RECQL: variants seen among roughly 807,000 people sequenced by gnomAD.
RECQL encodes the protein ATP-dependent DNA helicase Q1.
A neutral mutation model predicts 75.8 loss-of-function variants in RECQL; 73 were observed. The ratio of observed to expected loss-of-function variants is 0.96; its 90% CI spans 0.80 to 1.17. The LOEUF (loss-of-function observed/expected upper bound fraction) is 1.17. RECQL is among the 50% of genes most tolerant of loss of function. The pLI is 0.00. For missense variants in RECQL, 699 were observed against 772.1 expected, an observed-to-expected ratio of 0.91 and a Z score of 1.12; for synonymous variants, 248 against 254.4, an observed-to-expected ratio of 0.97 and a Z score of 0.24.
intron 1 of RECQL, among the ~76,000 whole-genome samples, chr12:21,500,580 G>A (rs539291679): frequency 6.6e-6 from 1 of 152,286 alleles, no homozygotes; most frequent in Non-Finnish European, 1.5e-5. Context: ...ATTAAAAGAA[G>A]GCTAAATAGG....
chr12:21,472,302 G>C (rs1942989005), intron 12 of RECQL, among the ~76,000 whole-genome samples: 1 of 152,132 alleles, frequency 6.6e-6, no homozygotes, highest in South Asian at 2.1e-4. Flanking sequence ...TTGGGACTCA[G>C]CCCAGGAGGG....
At position 21,475,076 on chromosome 12, in the gene RECQL, C is replaced by T. The variant is rs180840592; in HGVS notation, c.1217-97G>A. The T allele has an allele frequency of 6.6e-6, 8 of 1,215,976 alleles. No homozygotes were observed. The Admixed American group carries it at 9.8e-5, about 15-fold the overall frequency. The allele number at this position is 1,215,976 out of a possible 1,614,324, so 75.3% of individuals were successfully genotyped here. On this transcript the variant is annotated intron_variant, in intron 10 of 14. Coordinates refer to ENST00000444129, the MANE Select transcript of RECQL (RefSeq NM_002907.4). Reference sequence around the variant, plus strand: ...TAAAATTAGCAGGCAATGTTTTATACTACATCTAGAAATTTTAGAGATGTG... The same window carrying T: ...TAAAATTAGCAGGCAATGTTTTATATTACATCTAGAAATTTTAGAGATGTG...
chr12:21,491,635 T>C lies in RECQL; in HGVS notation c.98A>G (p.Gln33Arg). The change falls in exon 3 of 15, where the codon CAA becomes CGA. Residue 33 changes from glutamine to arginine, a missense_variant. Physicochemically the swap from Gln to Arg is conservative, Grantham distance 43. Coordinates refer to ENST00000444129, the MANE Select transcript of RECQL (RefSeq NM_002907.4). ...IQIQELTERQ[Q>R]ELIQKKKVLT... ...GACTTTTTTTTTCTGAATAAGCTCT[T>C]GTTGCCTTTCCGTAAGTTCTTGAAT... 6.2e-7 allele frequency: 1 copy of C among 1,614,020 alleles called. No homozygotes were observed.
intron 10 of RECQL, 148 bp downstream of exon 10, chr12:21,475,320 T>C (rs1029977017): frequency 7.0e-6 from 4 of 574,704 alleles, no homozygotes; most frequent in Non-Finnish European, 1.2e-5. Flanking sequence ...AATTTCTCCA[T>C]ATGCAAGTAA....
intron 2 of RECQL, among the ~76,000 whole-genome samples, chr12:21,496,216 G>A (rs927064109): frequency 5.9e-5 from 9 of 152,238 alleles, no homozygotes; most frequent in Non-Finnish European, 1.0e-4. Context: ...TGGAGATTGA[G>A]AATGGATTAT....
chr12:21,495,810 G>T (rs1199657627), intron 2 of RECQL, among the ~76,000 whole-genome samples: 1 of 152,212 alleles, frequency 6.6e-6, no homozygotes, highest in African/African-American at 2.4e-5. Flanking sequence ...AAGAAAGTCA[G>T]TGTAAGGGCA....
At chr12:21,477,119 A>T in intron 7 of RECQL, 127 bp from the exon 8 acceptor site, 1 of 569,020 alleles carries the variant, frequency 1.8e-6, no homozygotes, top group Non-Finnish European at 2.9e-6. Context: ...TCTTTCACTT[A>T]CTCACAGGAT....
At chr12:21,483,602 G>T in intron 5 of RECQL, 28 bp from the exon 6 acceptor site, 2 of 1,502,434 alleles carry the variant, frequency 1.3e-6, no homozygotes, top group South Asian at 2.5e-5. Flanking sequence ...TAGACACAAT[G>T]ATAGTAAAAC....
chr12:21,481,004 T>C (rs554772861), intron 6 of RECQL, among the ~76,000 whole-genome samples: 70 of 152,352 alleles, frequency 4.6e-4, no homozygotes, highest in African/African-American at 1.7e-3. Context: ...AGCTACTTTT[T>C]ACCTAGTTCA....
In RECQL at chr12:21,485,191, CACAGTAAGTAT is replaced by C. The variant is rs1407853119; in HGVS notation, c.501+1277_501+1287del. The stretch of plus-strand genomic sequence containing the variant: ...GTACTATGTACCACTTGAGTGATAC[CACAGTAAGTAT>C]ACTCTTGCAAAAAAAAAAAAAAAAG... On this transcript the variant is annotated intron_variant, in intron 5 of 14. Coordinates refer to ENST00000444129, the MANE Select transcript of RECQL (RefSeq NM_002907.4). Among the ~76,000 whole-genome samples the C allele has an allele frequency of 4.3e-5, 6 of 141,064 alleles. No individual in the cohort carries two copies. The East Asian group carries it at 1.2e-3, about 29-fold the overall frequency. The allele number at this position is 141,064 out of a possible 152,430, so 92.5% of individuals were successfully genotyped here.
Position 21,475,935 on chromosome 12 carries a change from G to C in RECQL, c.950-111C>G, listed in dbSNP as rs1378171423. 4 of 897,182 alleles carry C rather than the reference G, an allele frequency of 4.5e-6. No individual in the cohort carries two copies. In the East Asian group the frequency reaches 7.8e-5, roughly 18 times the overall value. The allele number at this position is 897,182 out of a possible 1,614,324, so 55.6% of individuals were successfully genotyped here. A position where few individuals can be genotyped will look rare whatever the true frequency, so the allele number is the denominator to read the frequency against. ...AATACAATGCACAGAAGGAAAAAAA[G>C]AATTATGAAAAATTTCAAGGCCTTG... On this transcript the variant is annotated intron_variant, in intron 8 of 14. Transcript: ENST00000444129.
chr12:21,476,771 T>G (rs1166237507), intron 8 of RECQL, 140 bp downstream of exon 8: 1 of 484,592 alleles, frequency 2.1e-6, no homozygotes, highest in Non-Finnish European at 3.6e-6. Context: ...GAATTAATTT[T>G]ATCACGTATT....
intron 6 of RECQL, among the ~76,000 whole-genome samples, chr12:21,479,010 A>C (rs1943140260): frequency 6.6e-6 from 1 of 152,132 alleles, no homozygotes; most frequent in African/African-American, 2.4e-5. Context: ...GCTTCCCTTT[A>C]GGGGTCCCCT....
chr12:21,493,896 G>C (rs1053780322), intron 2 of RECQL, among the ~76,000 whole-genome samples: 2 of 152,198 alleles, frequency 1.3e-5, no homozygotes, highest in Non-Finnish European at 2.9e-5. Context: ...TGCACCAAAA[G>C]AGCTGCATGT....
At chr12:21,490,151 G>A in intron 4 of RECQL, 48 bp downstream of exon 4, 2 of 1,049,644 alleles carry the variant, frequency 1.9e-6, no homozygotes, top group African/African-American at 1.6e-5. Context: ...AAAAAGGTAT[G>A]ATGACAAAGC....
chr12:21,486,554 A>T lies in RECQL; in HGVS notation c.426T>A (p.Ser142=), dbSNP rs749959463. 1 of 1,598,764 alleles carries T rather than the reference A, an allele frequency of 6.3e-7. No homozygotes were observed. The highest frequency in any genetic ancestry group is 1.7e-5 in the Admixed American group (1 of 57,444). ...GFTLVICPLI[S]LMEDQLMVLK... ...AAACCATTAATTGGTCTTCCATAAG[A>T]GAGATCAATGGGCAAATGACGAGTG... is the stretch of plus-strand genomic sequence containing the variant. Residue 142 remains serine (S), a synonymous_variant, in exon 5 of 15, where the codon TCT becomes TCA. Coordinates refer to ENST00000444129, the MANE Select transcript of RECQL (RefSeq NM_002907.4).
chr12:21,482,109 G>A (rs958948084), intron 6 of RECQL, among the ~76,000 whole-genome samples: 4 of 152,098 alleles, frequency 2.6e-5, no homozygotes, highest in Non-Finnish European at 4.4e-5. Context: ...AGGTCAGAAG[G>A]GTGTTTTAGT....
intron 10 of RECQL, 25 bp from the exon 11 acceptor site, chr12:21,475,004 T>G: frequency 6.2e-7 from 1 of 1,602,290 alleles, no homozygotes; most frequent in Non-Finnish European, 8.5e-7. Context: ...ACCTTGAGAT[T>G]GCAGAATTAC....
In RECQL at chr12:21,469,251, A is replaced by T. The variant is rs542519058; in HGVS notation, c.*943T>A. 4 of 156,158 alleles carry T rather than the reference A, an allele frequency of 2.6e-5. No homozygotes were observed. Among genetic ancestry groups the T allele is most frequent in the African/African-American group, 9.6e-5 (4 of 41,562 alleles). 9.7% of individuals were successfully genotyped at this position (156,158 alleles called of 1,614,324 possible). On this transcript the variant is annotated 3_prime_UTR_variant, in exon 15 of 15. Coordinates refer to ENST00000444129, the MANE Select transcript of RECQL (RefSeq NM_002907.4). ...TGTTGAATTGTACTTCTGGTTTTAT[A>T]ACCTGAAATCATCTACAAGCTTGTC...
Sources: allele counts gnomAD v4.1 joint callset (sites outside exome capture counted in the v4.1 genomes callset), GRCh38; gene constraint gnomAD v4.1.1; transcripts MANE v1.5; gene names NCBI Gene and HGNC (gene_info 2026-07-23, HGNC 2026-07-21).